TP53I11: variants seen among roughly 807,000 people sequenced by gnomAD.
The protein encoded by TP53I11 is tumor protein p53-inducible protein 11.
TP53I11 carries 9 observed loss-of-function variants against 23.3 expected under a neutral mutation model. That is an observed-to-expected ratio of 0.39 (90% CI 0.23 to 0.67). TP53I11 has a LOEUF of 0.67. Among genes scored for constraint, TP53I11 ranks in the 30% least tolerant of loss-of-function variants. The pLI is 0.48. For synonymous variants in TP53I11, 100 were observed against 106.1 expected, an observed-to-expected ratio of 0.94 and a Z score of 0.35; for missense variants, 170 against 255.2, an observed-to-expected ratio of 0.67 and a Z score of 2.27.
intron 1 of TP53I11, chr11:44,939,072 C>G (rs1757652911): frequency 6.6e-6 from 1 of 152,304 alleles, no homozygotes; most frequent in Non-Finnish European, 1.5e-5. Context: ...CCCCCACTCC[C>G]CCACCGCCAG....
chr11:44,938,086 G>A lies in TP53I11; in HGVS notation c.129+121C>T, dbSNP rs1001100121. 9 of 1,359,890 alleles carry A rather than the reference G, an allele frequency of 6.6e-6. No homozygotes were observed. In the African/African-American group the frequency reaches 1.2e-4, roughly 18 times the overall value. The allele number at this position is 1,359,890 out of a possible 1,614,324, so 84.2% of individuals were successfully genotyped here. ...CCCTGGCATTGCTGTTACATTTCTA[G>A]GAAAATCAGCTAAGTCCTAGAACTC... On this transcript the variant is annotated intron_variant, in intron 2 of 6. Coordinates refer to ENST00000525680, the MANE Select transcript of TP53I11 (RefSeq NM_006034.5).
At chr11:44,947,184 G>T in intron 1 of TP53I11, 1 of 451,924 alleles carries the variant, frequency 2.2e-6, no homozygotes, top group Non-Finnish European at 4.4e-6. Context: ...GAAGTCACTG[G>T]GAGGTTTTTC....
At chr11:44,935,293 T>TG (rs1344080262) in intron 6 of TP53I11, among the ~76,000 whole-genome samples, 1 of 142,018 alleles carries the variant, frequency 7.0e-6, no homozygotes, top group Admixed American at 6.9e-5. Context: ...GGGCAGTGGG[T>TG]GTGGGGGGGC....
At chr11:44,945,227 C>A (rs1862270814) in intron 1 of TP53I11, among the ~76,000 whole-genome samples, 1 of 152,192 alleles carries the variant, frequency 6.6e-6, no homozygotes, top group Admixed American at 6.5e-5. Flanking sequence ...ATAAGGAAGA[C>A]TGCCCCCAGG....
chr11:44,935,455 C>T (rs1221196473), intron 6 of TP53I11, 106 bp downstream of exon 6: 1 of 1,037,274 alleles, frequency 9.6e-7, no homozygotes, highest in Non-Finnish European at 1.5e-6. Flanking sequence ...CCCTAGCCCC[C>T]CACAGACAGG....
chr11:44,940,146 G>A (rs1861612544), intron 1 of TP53I11, among the ~76,000 whole-genome samples: 1 of 152,258 alleles, frequency 6.6e-6, no homozygotes, highest in East Asian at 1.9e-4. Flanking sequence ...GTGGCCAGGC[G>A]AGGCTGCCCT....
chr11:44,942,683 C>T (rs1023226061), intron 1 of TP53I11, among the ~76,000 whole-genome samples: 1 of 152,194 alleles, frequency 6.6e-6, no homozygotes, highest in African/African-American at 2.4e-5. Flanking sequence ...ACCTCCCAAG[C>T]CCACCCTAGC....
At position 44,936,021 on chromosome 11, in the gene TP53I11, G is replaced by A. The variant is rs1258905842; in HGVS notation, c.335-359C>T. ...GATGCTGTGTTCATGGAGTTCATGAGTTAATGGGTTACCTGGTCCTATGAT... is the reference window on the plus strand; with the variant it reads ...GATGCTGTGTTCATGGAGTTCATGAATTAATGGGTTACCTGGTCCTATGAT... On this transcript the variant is annotated intron_variant, in intron 5 of 6. Transcript: ENST00000525680. The surrounding 1 kb of genome is among the most constrained non-coding windows in gnomAD (Gnocchi z 4.4). 6.4e-6 allele frequency: 2 copies of A among 314,164 alleles called. No homozygotes were observed. Among genetic ancestry groups the A allele is most frequent in the Non-Finnish European group, 1.2e-5 (2 of 173,104 alleles). The allele number at this position is 314,164 out of a possible 1,614,324, so 19.5% of individuals were successfully genotyped here. A position where few individuals can be genotyped will look rare whatever the true frequency, so the allele number is the denominator to read the frequency against.
At position 44,937,363 on chromosome 11, in the gene TP53I11, T is replaced by G; in HGVS notation, c.189-11A>C. 1 of 1,471,796 alleles carries G rather than the reference T, an allele frequency of 6.8e-7. No homozygotes were observed. Among genetic ancestry groups the G allele is most frequent in the Non-Finnish European group, 9.0e-7 (1 of 1,109,684 alleles). 91.2% of individuals were successfully genotyped at this position (1,471,796 alleles called of 1,614,324 possible). Reference sequence around the variant, plus strand: ...ACGAACTGCCAGACCCTGGGAGGCGTGGAAAGAAGATCACAGCCCTGCCCC... The same window carrying G: ...ACGAACTGCCAGACCCTGGGAGGCGGGGAAAGAAGATCACAGCCCTGCCCC... On this transcript the variant is annotated splice_polypyrimidine_tract_variant and intron_variant, in intron 3 of 6. Coordinates refer to ENST00000525680, the MANE Select transcript of TP53I11 (RefSeq NM_006034.5).
chr11:44,937,117 C>A, intron 4 of TP53I11, 187 bp downstream of exon 4: 1 of 812,118 alleles, frequency 1.2e-6, no homozygotes, highest in Non-Finnish European at 2.0e-6. Context: ...ACCATGGGAT[C>A]TAGTGTGCTC....
upstream of TP53I11, chr11:44,951,095 G>A (rs376248456): frequency 3.9e-4 from 60 of 152,110 alleles, no homozygotes; most frequent in African/African-American, 1.3e-3. Flanking sequence ...GGCGCCGGGG[G>A]AGGAAGCCGC....
In TP53I11 at chr11:44,932,837, C is replaced by T. The variant is rs1438747186; in HGVS notation, c.*2047G>A. The T allele has an allele frequency of 6.6e-6, 1 of 152,344 alleles. No individual in the cohort carries two copies. Among genetic ancestry groups the T allele is most frequent in the Admixed American group, 6.5e-5 (1 of 15,288 alleles). 9.4% of individuals were successfully genotyped at this position (152,344 alleles called of 1,614,324 possible). A position where few individuals can be genotyped will look rare whatever the true frequency, so the allele number is the denominator to read the frequency against. ...AAGGCCACGCCACCCTCCCATCCCA[C>T]AGTTGAGTGTGGAAGACTGGATGTC... is the stretch of plus-strand genomic sequence containing the variant. On this transcript the variant is annotated 3_prime_UTR_variant, in exon 7 of 7. Transcript: ENST00000525680.
At chr11:44,948,892 A>G (rs970322944) in intron 1 of TP53I11, among the ~76,000 whole-genome samples, 5 of 152,230 alleles carry the variant, frequency 3.3e-5, no homozygotes, top group African/African-American at 1.2e-4. Flanking sequence ...AGAAGCCACA[A>G]GGGGCCTGGA....
intron 1 of TP53I11, chr11:44,946,917 C>T (rs1862440453): frequency 2.4e-6 from 1 of 424,732 alleles, no homozygotes; most frequent in South Asian, 1.7e-5. Context: ...GACTGGCACA[C>T]AGGTCCTATC....
chr11:44,936,965 T>C lies in TP53I11; in HGVS notation c.238-66A>G. On this transcript the variant is annotated intron_variant, in intron 4 of 6. Coordinates refer to ENST00000525680, the MANE Select transcript of TP53I11 (RefSeq NM_006034.5). This position sits in a 1 kb window ranked among gnomAD's most constrained non-coding sequence, Gnocchi z 4.4. Reference sequence around the variant, plus strand: ...AGGGTGGGGGGTGACAGCTGATGCTTCCCACAGACGTCTTCCTTCCCCGCC... The same window carrying C: ...AGGGTGGGGGGTGACAGCTGATGCTCCCCACAGACGTCTTCCTTCCCCGCC... 1 of 1,159,388 alleles carries C rather than the reference T, an allele frequency of 8.6e-7. No individual in the cohort carries two copies. Among genetic ancestry groups the C allele is most frequent in the Non-Finnish European group, 1.2e-6 (1 of 812,274 alleles). 71.8% of individuals were successfully genotyped at this position (1,159,388 alleles called of 1,614,324 possible).
intron 1 of TP53I11, chr11:44,947,304 A>G (rs1215284264): frequency 2.8e-6 from 1 of 361,532 alleles, no homozygotes; most frequent in Non-Finnish European, 5.5e-6. Flanking sequence ...AGGGCCCTCA[A>G]GGGCAGCTGG....
intron 1 of TP53I11, among the ~76,000 whole-genome samples, chr11:44,946,444 C>G (rs1409958161): frequency 6.6e-6 from 1 of 152,238 alleles, no homozygotes; most frequent in Non-Finnish European, 1.5e-5. Context: ...TCCTCATCAT[C>G]TCAGCATCAC....
chr11:44,944,395 A>T (rs1005598588), intron 1 of TP53I11, among the ~76,000 whole-genome samples: 1 of 152,180 alleles, frequency 6.6e-6, no homozygotes, highest in Non-Finnish European at 1.5e-5. Flanking sequence ...AGGAGCTAAG[A>T]GGCCCTCTTC....
chr11:44,935,677 GAAAAGGGGGCT>G lies in TP53I11; in HGVS notation c.335-26_335-16del. On this transcript the variant is annotated splice_polypyrimidine_tract_variant and intron_variant, in intron 5 of 6. Coordinates refer to ENST00000525680, the MANE Select transcript of TP53I11 (RefSeq NM_006034.5). ...CAGGGAGATGCCTGGGGCGGGGGAT[GAAAAGGGGGCT>G]GGGGGTGGGACAGCTGACTCCCTCC... 3.5e-6 allele frequency: 2 copies of G among 575,488 alleles called. No individual in the cohort carries two copies. The highest frequency in any genetic ancestry group is 6.3e-6 in the Non-Finnish European group (2 of 318,292). The allele number at this position is 575,488 out of a possible 1,614,324, so 35.6% of individuals were successfully genotyped here.
Sources: allele counts gnomAD v4.1 joint callset (sites outside exome capture counted in the v4.1 genomes callset), GRCh38; gene constraint gnomAD v4.1.1; non-coding constraint Gnocchi (gnomAD v3.1); transcripts MANE v1.5; gene names NCBI Gene and HGNC (gene_info 2026-07-23, HGNC 2026-07-21).